Variants in PTGER3 observed in about 807,000 individuals in gnomAD.
PTGER3 encodes prostaglandin E2 receptor EP3 subtype.
PTGER3 carries 22 observed loss-of-function variants against 34.7 expected under a neutral mutation model. That is an observed-to-expected ratio of 0.63 (90% CI 0.45 to 0.91). The LOEUF (loss-of-function observed/expected upper bound fraction) is 0.91. PTGER3 is among the 40% of genes least tolerant of loss of function. The pLI, the probability that PTGER3 is intolerant of heterozygous loss-of-function variation, is 0.00. For missense variants in PTGER3, 468 were observed against 519.4 expected (o/e 0.90, Z 0.96); for synonymous variants, 241 against 230.1 (o/e 1.05, Z -0.43).
At chr1:70,952,567 T>G in exon 4 of PTGER3, 1 of 1,000,870 alleles carries the variant, frequency 1.0e-6, no homozygotes, top group Middle Eastern at 5.1e-4. Flanking sequence ...GGACCAAATG[T>G]TAAAATACTC....
chr1:70,919,649 C>T (rs938576849), intron 4 of PTGER3, among the ~76,000 whole-genome samples: 2 of 152,146 alleles, frequency 1.3e-5, no homozygotes, highest in Non-Finnish European at 2.9e-5. Context: ...GTAATCTCTG[C>T]TTCTCCCGAA....
chr1:70,887,696 G>A (rs1272135021), intron 4 of PTGER3, among the ~76,000 whole-genome samples: 2 of 151,856 alleles, frequency 1.3e-5, no homozygotes. Context: ...TCTCTGTGGT[G>A]CATTAGAGAA....
chr1:70,943,846 G>T (rs982447904), intron 4 of PTGER3, among the ~76,000 whole-genome samples: 1 of 115,180 alleles, frequency 8.7e-6, no homozygotes, highest in Non-Finnish European at 1.9e-5. Context: ...GGGAGAGAGA[G>T]GGAGAGAGAG....
intron 4 of PTGER3, among the ~76,000 whole-genome samples, chr1:70,859,332 A>G (rs963137124): frequency 6.6e-6 from 1 of 152,228 alleles, no homozygotes; most frequent in Non-Finnish European, 1.5e-5. Context: ...TGTTAGAGTC[A>G]TGTATCTATT....
chr1:70,928,871 A>G (rs968340006), intron 4 of PTGER3, among the ~76,000 whole-genome samples: 1 of 108,360 alleles, frequency 9.2e-6, no homozygotes, highest in African/African-American at 5.2e-5. Context: ...TTACAGATAC[A>G]CACACACACA....
rs1651230503 is a variant in PTGER3 at position 70,955,523 on chromosome 1, G to GGGA, written c.1078-1735_1078-1734insTCC. 2.6e-5 allele frequency among the ~76,000 whole-genome samples: 4 copies of GGGA among 152,196 alleles called. No homozygotes were observed. In the South Asian group the frequency reaches 8.3e-4, roughly 32 times the overall value. On this transcript the variant is annotated intron_variant, in intron 2 of 3. Coordinates refer to the PTGER3 transcript ENST00000356595. ...AAAGGAAGAAGGGAAGGAAGATAAG[G>GGGA]AGGAAGGGAGAGAGGGGAAAAGTCC...
At chr1:70,864,835 G>T (rs887924655) in intron 4 of PTGER3, among the ~76,000 whole-genome samples, 2 of 152,168 alleles carry the variant, frequency 1.3e-5, no homozygotes, top group Non-Finnish European at 2.9e-5. Context: ...TAAATAACTT[G>T]CCTAAGTTCA....
At chr1:70,957,750 T>C (rs1034115237) in intron 2 of PTGER3, among the ~76,000 whole-genome samples, 1 of 152,166 alleles carries the variant, frequency 6.6e-6, no homozygotes, top group Non-Finnish European at 1.5e-5. Flanking sequence ...TACAATGTTA[T>C]TTTTCTATAG....
chr1:71,001,432 G>T (rs1439466443), intron 2 of PTGER3, among the ~76,000 whole-genome samples: 1 of 152,150 alleles, frequency 6.6e-6, no homozygotes, highest in Non-Finnish European at 1.5e-5. Flanking sequence ...GGAAGACATG[G>T]TACCTGTATT....
intron 2 of PTGER3, chr1:71,006,931 C>T (rs1572913348): frequency 5.1e-6 from 5 of 985,442 alleles, no homozygotes; most frequent in Non-Finnish European, 6.0e-6. Context: ...AATACACAGA[C>T]TAGCCATGAC....
chr1:70,891,478 C>T (rs2100277038), intron 4 of PTGER3, among the ~76,000 whole-genome samples: 1 of 151,890 alleles, frequency 6.6e-6, no homozygotes, highest in East Asian at 1.9e-4. Context: ...TCTTGCTATT[C>T]TATTCTTCCC....
chr1:70,945,436 A>G (rs1307608134), intron 4 of PTGER3, among the ~76,000 whole-genome samples: 3 of 152,166 alleles, frequency 2.0e-5, no homozygotes, highest in Non-Finnish European at 4.4e-5. Context: ...ATGCATATGA[A>G]GTCCAGAGAA....
At chr1:70,911,546 A>C (rs2100393619) in intron 4 of PTGER3, among the ~76,000 whole-genome samples, 1 of 152,284 alleles carries the variant, frequency 6.6e-6, no homozygotes, top group South Asian at 2.1e-4. Context: ...CCTTTAAATT[A>C]AAAGTACTCA....
At chr1:71,015,393 C>A (rs1374304517) in intron 1 of PTGER3, among the ~76,000 whole-genome samples, 1 of 152,206 alleles carries the variant, frequency 6.6e-6, no homozygotes, top group Non-Finnish European at 1.5e-5. Context: ...AACTTGACTG[C>A]AAGCAATTGA....
intron 4 of PTGER3, among the ~76,000 whole-genome samples, chr1:70,854,861 C>A (rs976895107): frequency 1.4e-4 from 21 of 152,246 alleles, no homozygotes; most frequent in African/African-American, 4.1e-4. Context: ...AATTGCAATT[C>A]TTGTGCACTG....
rs553348859 is a variant in PTGER3, at chr1:70,916,855, A to G, written c.*23+36908T>C. Among the ~76,000 whole-genome samples, 16 of 152,130 alleles carry G rather than the reference A, an allele frequency of 1.1e-4. No individual in the cohort carries two copies. The South Asian group carries it at 3.1e-3, about 30-fold the overall frequency. On this transcript the variant is annotated intron_variant, in intron 4 of 4. Transcript: ENST00000370931. Reference sequence around the variant, plus strand: ...AGTAAAAGTTGAAAATTTTTTTTAAAAAGCTAACTTAATTTGTTTGGATAT... The same window carrying G: ...AGTAAAAGTTGAAAATTTTTTTTAAGAAGCTAACTTAATTTGTTTGGATAT...
rs1193790348 is a variant in PTGER3 at position 71,047,472 on chromosome 1, T to C, written c.106A>G (p.Asn36Asp). 2.5e-6 allele frequency: 4 copies of C among 1,609,138 alleles called. No individual in the cohort carries two copies. The Admixed American group carries it at 6.7e-5, about 27-fold the overall frequency. The change falls in exon 1 of 4, where the codon AAC becomes GAC. Residue 36 changes from asparagine to aspartate, a missense_variant. By Grantham distance (23) the Asn-to-Asp change is conservative. Transcript: ENST00000306666. ...CCAGACCCTGGAGGGCGCGTGAGGT[T>C]GCCCCGCGCCTCGGCGGAACGCTCG... ...APERSAEARGNLTRPPGSGED... is the reference protein window; with the variant it reads ...APERSAEARGDLTRPPGSGED...
chr1:70,874,547 T>A (rs1175365523), intron 4 of PTGER3, among the ~76,000 whole-genome samples: 1 of 152,248 alleles, frequency 6.6e-6, no homozygotes, highest in Non-Finnish European at 1.5e-5. Flanking sequence ...ATTACTTCTT[T>A]GTGTTTGTTT....
intron 2 of PTGER3, among the ~76,000 whole-genome samples, chr1:71,005,266 G>C (rs1656847601): frequency 6.6e-6 from 1 of 152,078 alleles, no homozygotes; most frequent in Non-Finnish European, 1.5e-5. Flanking sequence ...ATATAGAAAG[G>C]ATCTATGTAG....
Sources: allele counts gnomAD v4.1 joint callset (sites outside exome capture counted in the v4.1 genomes callset), GRCh38; gene constraint gnomAD v4.1.1; transcripts MANE v1.5; gene names NCBI Gene and HGNC (gene_info 2026-07-23, HGNC 2026-07-21).